The following SUMF1 variants were observed in gnomAD, a reference collection of about 807,000 sequenced individuals.
SUMF1 encodes formylglycine-generating enzyme.
A neutral mutation model predicts 47.6 loss-of-function variants in SUMF1; 48 were observed. The observed-to-expected ratio is 1.01, with a 90% CI of 0.80 to 1.28. The LOEUF (loss-of-function observed/expected upper bound fraction) is 1.28. Ranked by LOEUF, SUMF1 falls within the 50% of genes most tolerant of loss-of-function variation. The pLI is 0.00. For missense variants in SUMF1, 571 were observed against 485.4 expected, an observed-to-expected ratio of 1.18 and a Z score of -1.66; for synonymous variants, 230 against 192.1, an observed-to-expected ratio of 1.20 and a Z score of -1.63.
At chr3:4,352,814 C>T (rs1699532371) in intron 8 of SUMF1, among the ~76,000 whole-genome samples, 2 of 151,852 alleles carry the variant, frequency 1.3e-5, no homozygotes, top group East Asian at 3.9e-4. Context: ...GCAAATTCAC[C>T]TCTACATTTA....
intron 8 of SUMF1, among the ~76,000 whole-genome samples, chr3:4,336,543 C>G (rs963279890): frequency 5.3e-5 from 8 of 152,248 alleles, no homozygotes; most frequent in African/African-American, 1.7e-4. Flanking sequence ...TTTAACTTTC[C>G]CTTTGGCATA....
At chr3:4,412,984 G>C (rs1452166619) in intron 6 of SUMF1, among the ~76,000 whole-genome samples, 1 of 152,088 alleles carries the variant, frequency 6.6e-6, no homozygotes, top group South Asian at 2.1e-4. Flanking sequence ...AAATCAGTCT[G>C]CCTGAGGTCC....
chr3:4,300,357 G>A (rs1353605574), intron 8 of SUMF1, among the ~76,000 whole-genome samples: 1 of 152,116 alleles, frequency 6.6e-6, no homozygotes, highest in Non-Finnish European at 1.5e-5. Context: ...AGAGCCATGA[G>A]CCAATTAAAC....
intron 8 of SUMF1, chr3:4,313,349 G>C: frequency 6.2e-7 from 1 of 1,613,900 alleles, no homozygotes; most frequent in Non-Finnish European, 8.5e-7. Context: ...GTTTATAATG[G>C]GCAGGTAATG....
chr3:4,401,118 T>A (rs544158567), intron 7 of SUMF1, among the ~76,000 whole-genome samples: 3 of 152,104 alleles, frequency 2.0e-5, no homozygotes, highest in African/African-American at 7.2e-5. Flanking sequence ...TCCAGCTTCA[T>A]CCATGTCCCT....
At chr3:4,184,434 C>T (rs1194764147) in intron 8 of SUMF1, among the ~76,000 whole-genome samples, 6 of 149,914 alleles carry the variant, frequency 4.0e-5, no homozygotes, top group Non-Finnish European at 7.4e-5. Context: ...CCAGCCTGGG[C>T]GACAAAGTGA....
At chr3:4,289,570 A>T (rs762933765) in intron 8 of SUMF1, among the ~76,000 whole-genome samples, 1 of 152,206 alleles carries the variant, frequency 6.6e-6, no homozygotes, top group Non-Finnish European at 1.5e-5. Flanking sequence ...TATCTTAATT[A>T]TATCAATTCT....
chr3:4,046,720 C>G (rs563505148), intron 9 of SUMF1, among the ~76,000 whole-genome samples: 1 of 152,242 alleles, frequency 6.6e-6, no homozygotes, highest in South Asian at 2.1e-4. Context: ...CCATCACTAT[C>G]TCTCAATTAG....
At chr3:4,055,826 T>G (rs1460361217) in intron 9 of SUMF1, among the ~76,000 whole-genome samples, 2 of 152,194 alleles carry the variant, frequency 1.3e-5, no homozygotes, top group Non-Finnish European at 1.5e-5. Context: ...TGGAGTTCAC[T>G]GGGCTATAAT....
At chr3:4,150,156 G>A (rs999874967) in intron 8 of SUMF1, among the ~76,000 whole-genome samples, 8 of 149,168 alleles carry the variant, frequency 5.4e-5, no homozygotes, top group Middle Eastern at 6.8e-3. Context: ...GTGCACTGGC[G>A]TATTATAGCT....
At chr3:4,132,107 G>C (rs1693805782) in intron 8 of SUMF1, among the ~76,000 whole-genome samples, 1 of 152,174 alleles carries the variant, frequency 6.6e-6, no homozygotes. Flanking sequence ...GGAAAGGGCA[G>C]AGGTTTGTCC....
At chr3:4,158,079 C>G (rs1247919273) in intron 8 of SUMF1, among the ~76,000 whole-genome samples, 1 of 151,610 alleles carries the variant, frequency 6.6e-6, no homozygotes, top group Admixed American at 6.6e-5. Flanking sequence ...CAAAGAGCAT[C>G]TGCCCTGTGC....
chr3:4,252,812 T>C (rs1392026993), intron 8 of SUMF1, among the ~76,000 whole-genome samples: 1 of 151,992 alleles, frequency 6.6e-6, no homozygotes, highest in Admixed American at 6.6e-5. Context: ...TCTGACTCAG[T>C]GAATATTCAG....
At chr3:4,069,989 T>A (rs1180339356) in intron 8 of SUMF1, among the ~76,000 whole-genome samples, 1 of 152,130 alleles carries the variant, frequency 6.6e-6, no homozygotes, top group East Asian at 1.9e-4. Flanking sequence ...TACAACCTGC[T>A]CTCTCTGAAG....
chr3:4,263,000 T>A (rs1007552883), intron 8 of SUMF1, among the ~76,000 whole-genome samples: 1 of 152,158 alleles, frequency 6.6e-6, no homozygotes, highest in African/African-American at 2.4e-5. Context: ...TTCATGTGTG[T>A]TTTCTCCTCT....
chr3:4,147,058 G>T (rs146294030), intron 8 of SUMF1, among the ~76,000 whole-genome samples: 2,202 of 152,144 alleles, frequency 0.014, 26 homozygotes, highest in Non-Finnish European at 0.024. Flanking sequence ...AAAGACACAT[G>T]AAAAAATGCT....
At chr3:4,041,702 AAAAT>A (rs1694910409) in intron 9 of SUMF1, among the ~76,000 whole-genome samples, 2 of 152,192 alleles carry the variant, frequency 1.3e-5, no homozygotes, top group African/African-American at 4.8e-5. Context: ...GCAAAAATAA[AAAAT>A]AACACATCTT....
chr3:4,150,837 G>C (rs566866992), intron 8 of SUMF1, among the ~76,000 whole-genome samples: 4 of 151,426 alleles, frequency 2.6e-5, no homozygotes, highest in Admixed American at 1.3e-4. Flanking sequence ...TCTGTTCTTA[G>C]GAGCTCAGGG....
At chr3:4,452,822 T>G in intron 2 of SUMF1, 54 bp downstream of exon 2, 1 of 1,606,142 alleles carries the variant, frequency 6.2e-7, no homozygotes, top group Non-Finnish European at 8.5e-7. Flanking sequence ...ATTAAAGCAT[T>G]CTTAAAAGTT....
Sources: allele counts gnomAD v4.1 joint callset (sites outside exome capture counted in the v4.1 genomes callset), GRCh38; gene constraint gnomAD v4.1.1; transcripts MANE v1.5; gene names NCBI Gene and HGNC (gene_info 2026-07-23, HGNC 2026-07-21).